SAG: variants seen among roughly 807,000 people sequenced by gnomAD.
The protein encoded by SAG is S-antigen visual arrestin, also known as S-arrestin.
A neutral mutation model predicts 55.0 loss-of-function variants in SAG; 45 were observed. That is an observed-to-expected ratio of 0.82 (90% CI 0.64 to 1.05). The LOEUF is 1.05. SAG is among the 50% of genes least tolerant of loss of function. The probability of loss-of-function intolerance (pLI) is 0.00; values close to 1 mark genes in which losing one functional copy is unlikely to be tolerated. For missense variants in SAG, 455 were observed against 512.1 expected, an observed-to-expected ratio of 0.89 and a Z score of 1.08; for synonymous variants, 189 against 197.4, an observed-to-expected ratio of 0.96 and a Z score of 0.36.
At chr2:233,342,466 G>A (rs1701133653) in intron 14 of SAG, 140 bp downstream of exon 14, 1 of 726,732 alleles carries the variant, frequency 1.4e-6, no homozygotes, top group African/African-American at 1.8e-5. Context: ...TCTACAAGGT[G>A]AATAGTCTGG....
In SAG at chr2:233,316,096, A is replaced by T; in HGVS notation, c.97A>T (p.Arg33Ter). The change falls in exon 3 of 16, where the codon AGA becomes TGA. Residue 33 changes from arginine (R) to a stop codon, truncating the protein, a stop_gained. Coordinates refer to ENST00000409110, the MANE Select transcript of SAG (RefSeq NM_000541.5). LOFTEE classifies it high-confidence loss of function. The stretch of plus-strand genomic sequence containing the variant: ...GCAGGTGACCATCTACCTGGGGAAC[A>T]GAGACTACATAGACCATGTCAGCCA... ...DKSVTIYLGN[R>*]DYIDHVSQVQ... The T allele has an allele frequency of 6.3e-7, 1 of 1,598,230 alleles. No individual in the cohort carries two copies. Among genetic ancestry groups the T allele is most frequent in the South Asian group, 1.1e-5 (1 of 88,504 alleles).
At chr2:233,332,503 T>A (rs1445084628) in intron 10 of SAG, 1 of 152,274 alleles carries the variant, frequency 6.6e-6, no homozygotes, top group East Asian at 1.9e-4. Context: ...TAGATAGATT[T>A]TTTTGAGATG....
chr2:233,343,776 T>C (rs751966164), intron 14 of SAG: 2 of 1,035,244 alleles, frequency 1.9e-6, no homozygotes, highest in African/African-American at 3.4e-5. Flanking sequence ...AGGGATATTT[T>C]AAGTAAAAGT....
At chr2:233,330,742 G>A (rs1381417282) in intron 9 of SAG, among the ~76,000 whole-genome samples, 1 of 152,006 alleles carries the variant, frequency 6.6e-6, no homozygotes, top group Non-Finnish European at 1.5e-5. Flanking sequence ...ATGTTGGCCA[G>A]GCTGGTTTCA....
chr2:233,309,967 G>A (rs1210205160), intron 2 of SAG, among the ~76,000 whole-genome samples: 5 of 152,240 alleles, frequency 3.3e-5, no homozygotes, highest in Non-Finnish European at 5.9e-5. Flanking sequence ...GTAAAACCCA[G>A]ACAGTGATCA....
intron 3 of SAG, 81 bp downstream of exon 3, chr2:233,316,216 G>C (rs1700214239): frequency 2.5e-6 from 2 of 804,040 alleles, no homozygotes; most frequent in East Asian, 5.6e-5. Flanking sequence ...TTAAAAACTG[G>C]CCTTGCTAAT....
At chr2:233,329,190 G>A in intron 8 of SAG, 1 of 385,946 alleles carries the variant, frequency 2.6e-6, no homozygotes, top group Middle Eastern at 8.2e-4. Context: ...TGGGTGGGAT[G>A]CCAGCACTTG....
rs1206624043 is a variant in SAG at position 233,320,816 on chromosome 2, T to C, written c.368T>C (p.Leu123Pro). Residue 123 changes from leucine to proline, a missense_variant, in exon 5 of 16, where the codon CTC (leucine) becomes CCC (proline). Physicochemically the swap from Leu to Pro is moderately conservative, Grantham distance 98. Coordinates refer to ENST00000409110, the MANE Select transcript of SAG (RefSeq NM_000541.5). ...CTGGGGAGCAACACGTACCCCTTTC[T>C]CCTGACGGTGGGTGACTCCTCCGGC... ...KKLGSNTYPF[L>P]LTFPDYLPCS... The C allele has an allele frequency of 1.9e-6, 3 of 1,588,968 alleles. No individual in the cohort carries two copies. Among genetic ancestry groups the C allele is most frequent in the Non-Finnish European group, 2.6e-6 (3 of 1,167,902 alleles).
chr2:233,336,407 C>T (rs1233973258), intron 11 of SAG, among the ~76,000 whole-genome samples: 1 of 151,708 alleles, frequency 6.6e-6, no homozygotes, highest in Non-Finnish European at 1.5e-5. Context: ...CTCAGCTACT[C>T]GAGAGGCTGA....
intron 9 of SAG, 47 bp from the exon 10 acceptor site, chr2:233,331,593 G>A (rs776246915): frequency 7.8e-7 from 1 of 1,275,196 alleles, no homozygotes; most frequent in Non-Finnish European, 1.1e-6. Context: ...AAGTGCACGT[G>A]TTGGGGGACC....
At chr2:233,323,081 C>A in intron 6 of SAG, 76 bp downstream of exon 6, 1 of 930,290 alleles carries the variant, frequency 1.1e-6, no homozygotes, top group Non-Finnish European at 1.7e-6. Flanking sequence ...GTTTTTGAAA[C>A]AGGGTTTTAC....
chr2:233,320,619 C>T lies in SAG; in HGVS notation c.182-11C>T. 2 of 1,563,312 alleles carry T rather than the reference C, an allele frequency of 1.3e-6. No homozygotes were observed. The highest frequency in any genetic ancestry group is 1.7e-6 in the Non-Finnish European group (2 of 1,158,400). ...GGGCCAAGTCCGACCCTGCCTTCATCTCCCTTGCAGTGTATGTCACTCTGA... is the reference window on the plus strand; with the variant it reads ...GGGCCAAGTCCGACCCTGCCTTCATTTCCCTTGCAGTGTATGTCACTCTGA... On this transcript the variant is annotated splice_polypyrimidine_tract_variant and intron_variant, in intron 4 of 15. Coordinates refer to ENST00000409110, the MANE Select transcript of SAG (RefSeq NM_000541.5).
rs1224011704 is a variant in SAG at position 233,340,546 on chromosome 2, A to G, written c.1046+68A>G. ...TCAAAGGCAGCAAACTTGGGGCTCCAAAACGGTTTCTGATGAAAGCTGCTT... is the reference window on the plus strand; with the variant it reads ...TCAAAGGCAGCAAACTTGGGGCTCCGAAACGGTTTCTGATGAAAGCTGCTT... On this transcript the variant is annotated intron_variant, in intron 13 of 15. Coordinates refer to ENST00000409110, the MANE Select transcript of SAG (RefSeq NM_000541.5). This position sits in a 1 kb window ranked among gnomAD's most constrained non-coding sequence, Gnocchi z 4.2. 2.6e-5 allele frequency: 34 copies of G among 1,313,012 alleles called. No individual in the cohort carries two copies. The highest frequency in any genetic ancestry group is 3.3e-5 in the Non-Finnish European group (30 of 921,054). 81.3% of individuals were successfully genotyped at this position (1,313,012 alleles called of 1,614,324 possible).
At chr2:233,314,200 C>G (rs549784842) in intron 2 of SAG, among the ~76,000 whole-genome samples, 1 of 148,240 alleles carries the variant, frequency 6.7e-6, no homozygotes, top group East Asian at 2.0e-4. Flanking sequence ...CCAGCCTGGG[C>G]GACAGAATGA....
At chr2:233,338,016 G>A (rs1034226621) in intron 11 of SAG, among the ~76,000 whole-genome samples, 17 of 152,178 alleles carry the variant, frequency 1.1e-4, no homozygotes. Flanking sequence ...TGAGGGTCTC[G>A]CACATCCTGC....
intron 2 of SAG, among the ~76,000 whole-genome samples, chr2:233,313,852 G>A (rs1700144102): frequency 6.6e-6 from 1 of 150,812 alleles, no homozygotes; most frequent in African/African-American, 2.4e-5. Context: ...ACAGGCATGA[G>A]CCACTGTACC....
In SAG at chr2:233,319,800, G is replaced by A; in HGVS notation, c.182-830G>A. 1.0e-6 allele frequency: 1 copy of A among 985,468 alleles called. No individual in the cohort carries two copies. The highest frequency in any genetic ancestry group is 5.2e-4 in the Middle Eastern group (1 of 1,912). The allele number at this position is 985,468 out of a possible 1,614,324, so 61.0% of individuals were successfully genotyped here. A position where few individuals can be genotyped will look rare whatever the true frequency, so the allele number is the denominator to read the frequency against. On this transcript the variant is annotated intron_variant, in intron 4 of 15. Transcript: ENST00000409110. This position sits in a 1 kb window ranked among gnomAD's most constrained non-coding sequence, Gnocchi z 4.4. ...GGTCTCTGGGCACCTTCTTAGTCCT[G>A]AGCTTGAATGAGGGGCGAGTGAGTG...
intron 14 of SAG, 124 bp downstream of exon 14, chr2:233,342,450 A>C (rs1348768899): frequency 1.3e-6 from 1 of 779,542 alleles, no homozygotes; most frequent in East Asian, 2.7e-5. Flanking sequence ...AAGAGATTCC[A>C]TGTGATCTAC....
At chr2:233,330,190 A>G (rs868357987) in intron 9 of SAG, among the ~76,000 whole-genome samples, 4 of 152,212 alleles carry the variant, frequency 2.6e-5, no homozygotes, top group South Asian at 4.1e-4. Context: ...CTCTTTCATG[A>G]GGAAGACATG....
Sources: allele counts gnomAD v4.1 joint callset (sites outside exome capture counted in the v4.1 genomes callset), GRCh38; gene constraint gnomAD v4.1.1; non-coding constraint Gnocchi (gnomAD v3.1); transcripts MANE v1.5; gene names NCBI Gene and HGNC (gene_info 2026-07-23, HGNC 2026-07-21).